CFAP54: variants seen among roughly 807,000 people sequenced by gnomAD.
CFAP54 encodes cilia- and flagella-associated protein 54.
A neutral mutation model predicts 370.4 loss-of-function variants in CFAP54; 290 were observed. That is an observed-to-expected ratio of 0.78 (90% CI 0.71 to 0.86). The LOEUF (loss-of-function observed/expected upper bound fraction) is 0.86, where lower values mean the gene tolerates loss of function less well. Ranked by LOEUF, CFAP54 falls within the 40% of genes least tolerant of loss-of-function variation. The probability of loss-of-function intolerance (pLI) is 0.00; values close to 1 mark genes in which losing one functional copy is unlikely to be tolerated. For missense variants in CFAP54, 3,399 were observed against 3,528.7 expected, an observed-to-expected ratio of 0.96 and a Z score of 0.93; for synonymous variants, 1,206 against 1,236.5, an observed-to-expected ratio of 0.98 and a Z score of 0.52.
In CFAP54 at chr12:96,522,461, G is replaced by A. The variant is rs144372949; in HGVS notation, c.1158+272G>A. 5.1e-3 allele frequency among the ~76,000 whole-genome samples: 781 copies of A among 152,278 alleles called. 11 individuals carry two copies. The highest frequency in any genetic ancestry group is 0.018 in the African/African-American group (736 of 41,562). On this transcript the variant is annotated intron_variant, in intron 8 of 67. Coordinates refer to ENST00000524981, the MANE Select transcript of CFAP54 (RefSeq NM_001306084.2). ...GCCTGTGAAAGATTTCAATGAACTG[G>A]CTCTTGCAAATGAATAGGCCTCTGA...
At chr12:96,621,875 G>GTTTGTTTTTTTTTTTTTTTTTTTTTTT (rs1956496257) in intron 27 of CFAP54, among the ~76,000 whole-genome samples, 154 bp downstream of exon 27, 1 of 50,034 alleles carries the variant, frequency 2.0e-5, no homozygotes, top group Non-Finnish European at 3.3e-5. Flanking sequence ...TTTTGGGTTT[G>GTTTGTTTTTTTTTTTTTTTTTTTTTTT]TTTTTTTTTT....
intron 19 of CFAP54, among the ~76,000 whole-genome samples, chr12:96,566,351 A>G (rs1955865275): frequency 6.6e-6 from 1 of 152,194 alleles, no homozygotes; most frequent in Non-Finnish European, 1.5e-5. Flanking sequence ...ACTGGCCAGC[A>G]TCACTAAGTT....
chr12:96,799,149 T>C (rs1322459640), intron 63 of CFAP54, among the ~76,000 whole-genome samples: 1 of 152,196 alleles, frequency 6.6e-6, no homozygotes, highest in Non-Finnish European at 1.5e-5. Context: ...CAGTTCAGTA[T>C]CAATCCATGA....
intron 39 of CFAP54, among the ~76,000 whole-genome samples, chr12:96,676,800 T>G (rs946873240): frequency 5.3e-5 from 8 of 152,102 alleles, no homozygotes; most frequent in African/African-American, 1.9e-4. Flanking sequence ...GAGCTGAGAT[T>G]ATAGGCATGA....
intron 50 of CFAP54, among the ~76,000 whole-genome samples, chr12:96,731,179 G>A (rs1957915741): frequency 6.6e-6 from 1 of 152,308 alleles, no homozygotes; most frequent in South Asian, 2.1e-4. Context: ...AGTTACTGCT[G>A]TCTTCATTCC....
intron 26 of CFAP54, among the ~76,000 whole-genome samples, chr12:96,607,456 A>G (rs951249501): frequency 6.6e-6 from 1 of 152,232 alleles, no homozygotes; most frequent in East Asian, 1.9e-4. Context: ...TCAAAAATCA[A>G]ATAGATGAAA....
chr12:96,736,116 C>T (rs902829167), intron 50 of CFAP54, among the ~76,000 whole-genome samples: 5 of 152,278 alleles, frequency 3.3e-5, no homozygotes, highest in East Asian at 3.9e-4. Context: ...GGGAAATTTT[C>T]TGATTCATGT....
At chr12:96,711,369 TTTATTA>T (rs1425556906) in intron 48 of CFAP54, among the ~76,000 whole-genome samples, 2 of 152,168 alleles carry the variant, frequency 1.3e-5, no homozygotes, top group African/African-American at 2.4e-5. Context: ...TGTTCTCTGT[TTTATTA>T]TTATCTATTT....
In CFAP54 at chr12:96,611,534, G is replaced by A. The variant is rs578090259; in HGVS notation, c.3640-10056G>A. Among the ~76,000 whole-genome samples the A allele has an allele frequency of 3.8e-3, 584 of 152,350 alleles. 2 individuals are homozygous for A. Among genetic ancestry groups the A allele is most frequent in the South Asian group, 0.021 (100 of 4,830 alleles). ...CACCAGCAGTGGAACAAAGCTGGAC[G>A]GAGAATGACTTTGACGAGTTGAGAG... is the stretch of plus-strand genomic sequence containing the variant. On this transcript the variant is annotated intron_variant, in intron 26 of 67. Coordinates refer to ENST00000524981, the MANE Select transcript of CFAP54 (RefSeq NM_001306084.2).
intron 60 of CFAP54, among the ~76,000 whole-genome samples, chr12:96,774,116 T>C (rs1406292914): frequency 6.6e-6 from 1 of 152,164 alleles, no homozygotes; most frequent in Non-Finnish European, 1.5e-5. Flanking sequence ...TGAACATCTT[T>C]TTGTGAACTC....
chr12:96,684,199 A>G (rs755931148), intron 40 of CFAP54, among the ~76,000 whole-genome samples: 3 of 152,210 alleles, frequency 2.0e-5, no homozygotes, highest in Non-Finnish European at 4.4e-5. Context: ...GAGCCTTTCC[A>G]TCTGCTATAG....
chr12:96,614,120 T>C (rs1344682978), intron 26 of CFAP54, among the ~76,000 whole-genome samples: 2 of 152,164 alleles, frequency 1.3e-5, no homozygotes, highest in African/African-American at 4.8e-5. Context: ...CTCAATAAAA[T>C]GCTGGCAAAC....
chr12:96,535,387 A>G (rs1425816762), intron 11 of CFAP54, 128 bp from the exon 12 acceptor site: 10 of 646,346 alleles, frequency 1.5e-5, no homozygotes, highest in Non-Finnish European at 2.2e-5. Context: ...AACTTGTCTT[A>G]TTGACATGAT....
rs147666123 is a variant in CFAP54 at position 96,531,662 on chromosome 12, G to T, written c.1358-2130G>T. 7.2e-4 allele frequency among the ~76,000 whole-genome samples: 109 copies of T among 152,018 alleles called. No homozygotes were observed. The East Asian group carries it at 0.021, about 29-fold the overall frequency. ...ACGAATTTCATCTTTGATTCTCTCT[G>T]TTCTACTCTTCTGTTTACCTATTTA... On this transcript the variant is annotated intron_variant, in intron 9 of 67. Transcript: ENST00000524981.
chr12:96,869,234 GT>G (rs933464646), intron 67 of CFAP54, among the ~76,000 whole-genome samples: 15 of 150,960 alleles, frequency 9.9e-5, no homozygotes, highest in Non-Finnish European at 3.0e-5. Flanking sequence ...AAAATAATGT[GT>G]TTTTTTTTCT....
intron 26 of CFAP54, 66 bp from the exon 27 acceptor site, chr12:96,621,524 G>T: frequency 9.1e-7 from 1 of 1,094,080 alleles, no homozygotes. Context: ...TATGGAAAAT[G>T]ATGCATTATA....
At chr12:96,614,610 A>G (rs1393988084) in intron 26 of CFAP54, among the ~76,000 whole-genome samples, 1 of 152,248 alleles carries the variant, frequency 6.6e-6, no homozygotes, top group Non-Finnish European at 1.5e-5. Context: ...TATATGTAGA[A>G]AACCTCATCA....
intron 63 of CFAP54, among the ~76,000 whole-genome samples, chr12:96,811,000 T>G (rs571318600): frequency 3.3e-4 from 50 of 152,306 alleles, no homozygotes; most frequent in African/African-American, 1.1e-3. Flanking sequence ...AGGTAGTTTC[T>G]AAGGCCTTCT....
At chr12:96,685,295 C>G in intron 42 of CFAP54, 57 bp downstream of exon 42, 1 of 1,512,354 alleles carries the variant, frequency 6.6e-7, no homozygotes, top group African/African-American at 1.4e-5. Context: ...TGTGGGGTGC[C>G]CTCCTGTGCC....
Sources: allele counts gnomAD v4.1 joint callset (sites outside exome capture counted in the v4.1 genomes callset), GRCh38; gene constraint gnomAD v4.1.1; transcripts MANE v1.5; gene names NCBI Gene and HGNC (gene_info 2026-07-23, HGNC 2026-07-21).